TP63: variants seen among roughly 807,000 people sequenced by gnomAD.
TP63 encodes tumor protein p63.
A neutral mutation model predicts 82.8 loss-of-function variants in TP63; 17 were observed. The ratio of observed to expected loss-of-function variants is 0.21; its 90% CI spans 0.14 to 0.31. The LOEUF (loss-of-function observed/expected upper bound fraction) is 0.31, where lower values mean the gene tolerates loss of function less well. Among genes scored for constraint, TP63 ranks in the 10% least tolerant of loss-of-function variants. The pLI, the probability that TP63 is intolerant of heterozygous loss-of-function variation, is 1.00. For synonymous variants in TP63, 330 were observed against 321.7 expected, an observed-to-expected ratio of 1.03 and a Z score of -0.28; for missense variants, 648 against 895.3, an observed-to-expected ratio of 0.72 and a Z score of 3.52.
intron 4 of TP63, among the ~76,000 whole-genome samples, chr3:189,847,951 A>G (rs1325424202): frequency 6.6e-6 from 1 of 152,080 alleles, no homozygotes; most frequent in East Asian, 1.9e-4. Flanking sequence ...ATATTTTCTA[A>G]TCATGTGTTT....
intron 4 of TP63, among the ~76,000 whole-genome samples, chr3:189,853,879 C>G (rs1205708306): frequency 6.6e-6 from 1 of 152,276 alleles, no homozygotes; most frequent in Non-Finnish European, 1.5e-5. Flanking sequence ...ATAACACTTG[C>G]AGATGGTTCC....
Position 189,777,845 on chromosome 3 carries a change from C to CTTTTTTTTTTTTT in TP63, c.325-30411_325-30399dup, listed in dbSNP as rs55731981. Among the ~76,000 whole-genome samples the CTTTTTTTTTTTTT allele has an allele frequency of 3.2e-4, 12 of 37,752 alleles. 1 individual carries two copies. The highest frequency in any genetic ancestry group is 8.2e-4 in the African/African-American group (7 of 8,490). The allele number at this position is 37,752 out of a possible 152,430, so 24.8% of individuals were successfully genotyped here. On this transcript the variant is annotated intron_variant, in intron 3 of 13. Transcript: ENST00000264731. ...GAGTCTTCTTCTTCTTCTTCTTCTT[C>CTTTTTTTTTTTTT]TTTTTTTTTTTTTTTTTTTTTTTTT...
At chr3:189,683,620 C>G (rs1716164466) in intron 1 of TP63, among the ~76,000 whole-genome samples, 1 of 152,194 alleles carries the variant, frequency 6.6e-6, no homozygotes, top group Admixed American at 6.5e-5. Context: ...GTTCCATCCC[C>G]TATCATATTT....
rs149716924 is a variant in TP63, at chr3:189,865,204, A to G, written c.766+786A>G. ...AAATAATGAAAAAACCAGAAGAAGAAAAAGGAAAAAAAGATGAGAAGGCAA... is the reference window on the plus strand; with the variant it reads ...AAATAATGAAAAAACCAGAAGAAGAGAAAGGAAAAAAAGATGAGAAGGCAA... On this transcript the variant is annotated intron_variant, in intron 5 of 13. Transcript: ENST00000264731. Among the ~76,000 whole-genome samples the G allele has an allele frequency of 3.4e-4, 52 of 152,204 alleles. No homozygotes were observed. The East Asian group carries it at 9.7e-3, about 28-fold the overall frequency.
chr3:189,889,733 G>T (rs549683264), intron 12 of TP63, among the ~76,000 whole-genome samples: 2 of 152,132 alleles, frequency 1.3e-5, no homozygotes, highest in Non-Finnish European at 2.9e-5. Flanking sequence ...TGTTTCCCTC[G>T]CCTTCACTTA....
chr3:189,695,084 T>C (rs867244405), intron 1 of TP63, among the ~76,000 whole-genome samples: 53 of 152,058 alleles, frequency 3.5e-4, no homozygotes, highest in Admixed American at 7.9e-4. Context: ...TGGAGAGTTA[T>C]TTTCTATCTT....
intron 3 of TP63, among the ~76,000 whole-genome samples, chr3:189,762,317 C>T (rs984887521): frequency 6.6e-6 from 1 of 151,990 alleles, no homozygotes; most frequent in South Asian, 2.1e-4. Context: ...ATGTCAGAGT[C>T]GTGGTGTTTA....
intron 3 of TP63, among the ~76,000 whole-genome samples, chr3:189,789,146 CTT>C (rs1724870011): frequency 6.6e-6 from 1 of 151,986 alleles, no homozygotes; most frequent in Non-Finnish European, 1.5e-5. Context: ...GTTAAAAACT[CTT>C]TAGCTATCAG....
intron 3 of TP63, among the ~76,000 whole-genome samples, chr3:189,751,692 T>C (rs12634010): frequency 0.028 from 4,237 of 152,314 alleles, 76 homozygotes; most frequent in Admixed American, 0.052. Flanking sequence ...GTAAATTTGT[T>C]TGAGTTCTTT....
At chr3:189,683,021 T>A (rs1716114286) in intron 1 of TP63, among the ~76,000 whole-genome samples, 2 of 152,216 alleles carry the variant, frequency 1.3e-5, no homozygotes, top group African/African-American at 4.8e-5. Flanking sequence ...CTTCAGATGC[T>A]TTTATTATTT....
chr3:189,840,356 C>CT (rs1713816495), intron 4 of TP63, among the ~76,000 whole-genome samples: 2 of 26,206 alleles, frequency 7.6e-5, no homozygotes, highest in African/African-American at 2.1e-4. Flanking sequence ...TTTTGCTTTT[C>CT]GTCTTTTTTT....
chr3:189,678,769 A>G (rs910746942), intron 1 of TP63, among the ~76,000 whole-genome samples: 4 of 151,876 alleles, frequency 2.6e-5, no homozygotes, highest in Non-Finnish European at 5.9e-5. Context: ...ACATTTCATT[A>G]AACACATTTC....
chr3:189,811,497 A>G (rs1727566964), intron 4 of TP63, among the ~76,000 whole-genome samples: 1 of 152,172 alleles, frequency 6.6e-6, no homozygotes, highest in Non-Finnish European at 1.5e-5. Flanking sequence ...TTTCTTCTAA[A>G]TTAGGGCACT....
intron 1 of TP63, among the ~76,000 whole-genome samples, chr3:189,719,590 T>C (rs1451968783): frequency 6.6e-6 from 1 of 152,196 alleles, no homozygotes; most frequent in Non-Finnish European, 1.5e-5. Context: ...ATTTTCAGCT[T>C]TGCAGGCCAT....
chr3:189,850,019 C>T (rs1194948824), intron 4 of TP63, among the ~76,000 whole-genome samples: 1 of 152,010 alleles, frequency 6.6e-6, no homozygotes, highest in Non-Finnish European at 1.5e-5. Context: ...TGGCTCATGC[C>T]CTATAATCCG....
At chr3:189,762,837 A>G (rs971710975) in intron 3 of TP63, among the ~76,000 whole-genome samples, 1 of 152,232 alleles carries the variant, frequency 6.6e-6, no homozygotes, top group African/African-American at 2.4e-5. Context: ...GGAGACAGAT[A>G]TGAAGTCAAT....
At chr3:189,848,340 T>A (rs1433771843) in intron 4 of TP63, among the ~76,000 whole-genome samples, 3 of 148,066 alleles carry the variant, frequency 2.0e-5, no homozygotes, top group Non-Finnish European at 3.0e-5. Context: ...ACTCAAGTGA[T>A]CCTCTGCACC....
In TP63 at chr3:189,772,882, A is replaced by G. The variant is rs145211354; in HGVS notation, c.324+34108A>G. Among the ~76,000 whole-genome samples the G allele has an allele frequency of 2.6e-4, 40 of 152,332 alleles. 1 individual carries two copies. The East Asian group carries it at 6.0e-3, about 23-fold the overall frequency. On this transcript the variant is annotated intron_variant, in intron 3 of 13. Transcript: ENST00000264731. ...AAGAAATAAGCAGATAAGTGGGGTA[A>G]TAAGTAGATAATACTACTACTTTGC...
At chr3:189,715,759 A>G (rs1170896844) in intron 1 of TP63, among the ~76,000 whole-genome samples, 2 of 152,212 alleles carry the variant, frequency 1.3e-5, no homozygotes, top group Non-Finnish European at 2.9e-5. Context: ...CACTGTATAA[A>G]TTTCTGTGCA....
Sources: gnomAD v4.1 joint callset for allele counts (sites outside exome capture counted in the v4.1 genomes callset) on GRCh38, gnomAD v4.1.1 for gene constraint, MANE v1.5 for transcripts, NCBI Gene and HGNC (gene_info 2026-07-23, HGNC 2026-07-21) for gene names.